TENM3: variants seen among roughly 807,000 people sequenced by gnomAD.
TENM3 encodes teneurin transmembrane protein 3.
TENM3 carries 63 observed loss-of-function variants against 255.1 expected under a neutral mutation model. That is an observed-to-expected ratio of 0.25 (90% CI 0.20 to 0.30). The LOEUF (loss-of-function observed/expected upper bound fraction) is 0.30. Among genes scored for constraint, TENM3 ranks in the 10% least tolerant of loss-of-function variants. The pLI, the probability that TENM3 is intolerant of heterozygous loss-of-function variation, is 1.00. For missense variants in TENM3, 2,929 were observed against 3,461.1 expected (o/e 0.85, Z 3.86); for synonymous variants, 1,306 against 1,322.3 (o/e 0.99, Z 0.27).
At chr4:181,706,057 G>A in the TENM3 span, among the ~76,000 whole-genome samples, 1 of 152,158 alleles carries the variant, frequency 6.6e-6, no homozygotes, top group African/African-American at 2.4e-5. Context: ...ATCCTGGCAG[G>A]TAGCAGTTTG....
chr4:182,078,236 CGAAACA>C, the TENM3 span, among the ~76,000 whole-genome samples: 343 of 151,918 alleles, frequency 2.3e-3, 1 homozygote, highest in African/African-American at 6.5e-3. Flanking sequence ...AAAAAATAAA[CGAAACA>C]GCCGGGTGCA....
the TENM3 span, among the ~76,000 whole-genome samples, chr4:181,934,048 C>CTGTGTG: frequency 1.5e-3 from 224 of 147,466 alleles, 1 homozygote; most frequent in African/African-American, 5.3e-3. Flanking sequence ...ATTCCCCTTT[C>CTGTGTG]TGTGTGTGTG....
At chr4:181,631,154 G>A in the TENM3 span, among the ~76,000 whole-genome samples, 1 of 152,108 alleles carries the variant, frequency 6.6e-6, no homozygotes, top group Non-Finnish European at 1.5e-5. Context: ...TAGGACCTCA[G>A]TCCTCAGTCC....
At chr4:181,961,280 T>C in the TENM3 span, among the ~76,000 whole-genome samples, 5 of 152,236 alleles carry the variant, frequency 3.3e-5, no homozygotes, top group Non-Finnish European at 7.3e-5. Flanking sequence ...TGCAACTGTT[T>C]GCAATTGTTT....
At chr4:181,712,935 T>C in the TENM3 span, among the ~76,000 whole-genome samples, 3 of 152,212 alleles carry the variant, frequency 2.0e-5, no homozygotes, top group African/African-American at 4.8e-5. Flanking sequence ...TCAGGGTTGA[T>C]TAATTGATTA....
chr4:181,672,127 C>T, the TENM3 span, among the ~76,000 whole-genome samples: 5 of 152,208 alleles, frequency 3.3e-5, no homozygotes, highest in African/African-American at 7.2e-5. Context: ...ATGATAAAAA[C>T]GCTGTGATAG....
At chr4:182,115,646 A>C in the TENM3 span, among the ~76,000 whole-genome samples, 3 of 152,082 alleles carry the variant, frequency 2.0e-5, no homozygotes, top group East Asian at 1.9e-4. Context: ...CCATGTAAAA[A>C]TTTTCAGGCT....
rs568124483 is a variant in TENM3, at chr4:182,537,162, T to C, written c.512-63762T>C. On this transcript the variant is annotated intron_variant, in intron 3 of 27. Coordinates refer to ENST00000511685, the MANE Select transcript of TENM3 (RefSeq NM_001080477.4). ...TCTGCTCTAGAATATCTTGTCTGAT[T>C]TCTTATCTTTCTCCTGTTTCATCCT... is the stretch of plus-strand genomic sequence containing the variant. Among the ~76,000 whole-genome samples the C allele has an allele frequency of 3.9e-5, 6 of 152,326 alleles. No homozygotes were observed. In the South Asian group the frequency reaches 1.2e-3, roughly 32 times the overall value.
intron 3 of TENM3, among the ~76,000 whole-genome samples, chr4:182,408,057 C>G (rs1466312548): frequency 6.6e-6 from 1 of 152,192 alleles, no homozygotes; most frequent in Non-Finnish European, 1.5e-5. Flanking sequence ...CTGACTTACT[C>G]TTACTACAAG....
At chr4:181,942,269 C>CTTTTTTTT in the TENM3 span, among the ~76,000 whole-genome samples, 1 of 106,150 alleles carries the variant, frequency 9.4e-6, no homozygotes. Context: ...GATGTTGGGC[C>CTTTTTTTT]TTTTTTTTTT....
At chr4:182,728,129 A>G (rs1760377639) in intron 13 of TENM3, among the ~76,000 whole-genome samples, 1 of 152,154 alleles carries the variant, frequency 6.6e-6, no homozygotes, top group Non-Finnish European at 1.5e-5. Context: ...GATTACAAGC[A>G]TGAGCCACTG....
At chr4:181,546,566 T>C in the TENM3 span, among the ~76,000 whole-genome samples, 2 of 141,182 alleles carry the variant, frequency 1.4e-5, no homozygotes, top group Admixed American at 7.8e-5. Context: ...ATACAAAAAT[T>C]AGCCGGGCGT....
the TENM3 span, among the ~76,000 whole-genome samples, chr4:181,803,570 G>T: frequency 6.6e-6 from 1 of 152,142 alleles, no homozygotes; most frequent in Non-Finnish European, 1.5e-5. Flanking sequence ...CTAGACCAGT[G>T]CCTTAAACTC....
At chr4:182,586,374 C>T (rs12501197) in intron 3 of TENM3, among the ~76,000 whole-genome samples, 50,563 of 152,082 alleles carry the variant, frequency 0.33, 9,718 homozygotes, top group East Asian at 0.48. Context: ...GATCTTACTT[C>T]GATGTTGGCC....
the TENM3 span, among the ~76,000 whole-genome samples, chr4:181,619,706 G>A: frequency 1.3e-5 from 2 of 152,094 alleles, no homozygotes; most frequent in African/African-American, 4.8e-5. Flanking sequence ...TAGGATTACA[G>A]ACATGAGCCA....
the TENM3 span, among the ~76,000 whole-genome samples, chr4:181,505,737 C>A: frequency 2.0e-5 from 3 of 152,230 alleles, no homozygotes; most frequent in Admixed American, 2.0e-4. Context: ...GCAAAGAAAT[C>A]TTTGCAAAAG....
At position 182,730,984 on chromosome 4, in the gene TENM3, G is replaced by T; in HGVS notation, c.2812G>T (p.Val938Leu). Residue 938 changes from valine to leucine, a missense_variant, in exon 16 of 28, where the codon GTG (valine) becomes TTG (leucine). Val to Leu is a conservative substitution (Grantham distance 32). Coordinates refer to ENST00000511685, the MANE Select transcript of TENM3 (RefSeq NM_001080477.4). ...GTGGATTCCATGGAATGTCTTTTAT[G>T]TGATGGATACCCTAGTCATGAAGAA... ...TVWIPWNVFY[V>L]MDTLVMKKEE... The T allele has an allele frequency of 6.2e-7, 1 of 1,613,866 alleles. No individual in the cohort carries two copies. The highest frequency in any genetic ancestry group is 8.5e-7 in the Non-Finnish European group (1 of 1,179,866).
the TENM3 span, among the ~76,000 whole-genome samples, chr4:181,619,141 A>G: frequency 0.098 from 14,906 of 152,140 alleles, 847 homozygotes; most frequent in South Asian, 0.21. Context: ...GTGAGGAGAT[A>G]CTGTCCCTCT....
At chr4:182,659,655 A>C (rs1754053794) in intron 6 of TENM3, among the ~76,000 whole-genome samples, 1 of 152,060 alleles carries the variant, frequency 6.6e-6, no homozygotes, top group South Asian at 2.1e-4. Context: ...CTGACCCCAT[A>C]ATATCTTTTG....
Sources: gnomAD v4.1 joint callset for allele counts (sites outside exome capture counted in the v4.1 genomes callset) on GRCh38, gnomAD v4.1.1 for gene constraint, MANE v1.5 for transcripts, NCBI Gene and HGNC (gene_info 2026-07-23, HGNC 2026-07-21) for gene names.